LRRC4C: variants seen among roughly 807,000 people sequenced by gnomAD.
The protein encoded by LRRC4C is leucine rich repeat containing 4C.
LRRC4C carries 5 observed loss-of-function variants against 33.6 expected under a neutral mutation model. That is an observed-to-expected ratio of 0.15 (90% confidence interval 0.08 to 0.31). LRRC4C has a LOEUF of 0.31. LRRC4C is among the 10% of genes least tolerant of loss of function. The probability of loss-of-function intolerance (pLI) is 1.00; values close to 1 mark genes in which losing one functional copy is unlikely to be tolerated. For synonymous variants in LRRC4C, 329 were observed against 302.0 expected (o/e 1.09, Z -0.93); for missense variants, 560 against 796.7 (o/e 0.70, Z 3.58).
At chr11:40,756,772 T>C (rs1281115251) in intron 2 of LRRC4C, among the ~76,000 whole-genome samples, 1 of 152,044 alleles carries the variant, frequency 6.6e-6, no homozygotes, top group Non-Finnish European at 1.5e-5. Flanking sequence ...ACCTAGAAAC[T>C]GATTATAAAA....
intron 1 of LRRC4C, among the ~76,000 whole-genome samples, chr11:41,184,045 C>T (rs1945575630): frequency 6.6e-6 from 1 of 152,130 alleles, no homozygotes; most frequent in Admixed American, 6.5e-5. Context: ...ACACCATGTT[C>T]CCAGGCTGCA....
chr11:40,722,777 A>G (rs1189052697), intron 2 of LRRC4C, among the ~76,000 whole-genome samples: 2 of 152,216 alleles, frequency 1.3e-5, no homozygotes, highest in Non-Finnish European at 1.5e-5. Flanking sequence ...CTGAAATGAC[A>G]GACATAGAAT....
At chr11:40,507,363 C>T (rs1249161550) in intron 3 of LRRC4C, among the ~76,000 whole-genome samples, 2 of 151,950 alleles carry the variant, frequency 1.3e-5, no homozygotes, top group South Asian at 2.1e-4. Flanking sequence ...AAATAAAATC[C>T]GAACAGCCCT....
intron 1 of LRRC4C, among the ~76,000 whole-genome samples, chr11:41,135,126 A>T (rs768171912): frequency 6.6e-6 from 1 of 152,156 alleles, no homozygotes; most frequent in Non-Finnish European, 1.5e-5. Flanking sequence ...ACACATGGCC[A>T]TAAGGGTTGT....
intron 2 of LRRC4C, among the ~76,000 whole-genome samples, chr11:40,916,468 G>A (rs1180072835): frequency 3.3e-5 from 5 of 152,032 alleles, no homozygotes; most frequent in African/African-American, 1.2e-4. Context: ...AACACCACAT[G>A]TTCTCACTCG....
chr11:41,264,576 A>G (rs1358361486), intron 1 of LRRC4C, among the ~76,000 whole-genome samples: 1 of 152,158 alleles, frequency 6.6e-6, no homozygotes, highest in Non-Finnish European at 1.5e-5. Flanking sequence ...TTATAGCAGC[A>G]AGAGAATGGA....
At chr11:41,340,849 T>C (rs1341900551) in intron 1 of LRRC4C, among the ~76,000 whole-genome samples, 1 of 152,186 alleles carries the variant, frequency 6.6e-6, no homozygotes, top group Non-Finnish European at 1.5e-5. Flanking sequence ...TAGATAGATT[T>C]GATTCTAAAA....
chr11:40,701,335 A>G (rs775768915), intron 2 of LRRC4C, among the ~76,000 whole-genome samples: 1 of 152,158 alleles, frequency 6.6e-6, no homozygotes, highest in Non-Finnish European at 1.5e-5. Context: ...GAAATGCTCA[A>G]AAGAGATTCA....
chr11:40,202,103 CAGCAAG>C (rs1371548057), intron 5 of LRRC4C, among the ~76,000 whole-genome samples: 1 of 148,244 alleles, frequency 6.7e-6, no homozygotes, highest in African/African-American at 2.5e-5. Context: ...ATATGTATAA[CAGCAAG>C]AGACAATCAG....
At chr11:40,570,689 A>G (rs1957948084) in intron 3 of LRRC4C, among the ~76,000 whole-genome samples, 1 of 151,944 alleles carries the variant, frequency 6.6e-6, no homozygotes, top group Non-Finnish European at 1.5e-5. Flanking sequence ...CTATTTCTCT[A>G]TTTCTCTTCA....
intron 1 of LRRC4C, among the ~76,000 whole-genome samples, chr11:41,070,935 A>T (rs1177404549): frequency 6.6e-6 from 1 of 152,230 alleles, no homozygotes; most frequent in African/African-American, 2.4e-5. Flanking sequence ...TCATTATATT[A>T]TAAAGATACA....
intron 1 of LRRC4C, among the ~76,000 whole-genome samples, chr11:41,017,607 A>G (rs117717590): frequency 6.6e-6 from 1 of 152,110 alleles, no homozygotes; most frequent in Non-Finnish European, 1.5e-5. Context: ...CATGGTTCTT[A>G]CACTCTGTTT....
At chr11:40,386,574 G>A (rs535080601) in intron 3 of LRRC4C, among the ~76,000 whole-genome samples, 6 of 152,130 alleles carry the variant, frequency 3.9e-5, no homozygotes, top group Non-Finnish European at 8.8e-5. Context: ...GGTACTTTAC[G>A]CATTGAAGAG....
At chr11:40,305,779 C>T (rs1200634704) in intron 4 of LRRC4C, among the ~76,000 whole-genome samples, 1 of 152,150 alleles carries the variant, frequency 6.6e-6, no homozygotes, top group African/African-American at 2.4e-5. Context: ...GCCTCAAAGA[C>T]CTCATCAATA....
chr11:41,337,707 A>C (rs2137434016), intron 1 of LRRC4C, among the ~76,000 whole-genome samples: 1 of 152,328 alleles, frequency 6.6e-6, no homozygotes, highest in East Asian at 1.9e-4. Flanking sequence ...TAAACTAAAG[A>C]GCTTCTGCAC....
chr11:40,253,310 A>C (rs1250661467), intron 4 of LRRC4C, among the ~76,000 whole-genome samples: 2 of 152,182 alleles, frequency 1.3e-5, no homozygotes, highest in Non-Finnish European at 2.9e-5. Flanking sequence ...TAAGACTATA[A>C]AACAATGATC....
intron 1 of LRRC4C, among the ~76,000 whole-genome samples, chr11:41,439,933 C>G (rs985520817): frequency 6.6e-6 from 1 of 152,174 alleles, no homozygotes; most frequent in African/African-American, 2.4e-5. Context: ...AAATACTTCT[C>G]TCATTCAGTA....
intron 3 of LRRC4C, among the ~76,000 whole-genome samples, chr11:40,396,199 T>G (rs1206333212): frequency 1.3e-5 from 2 of 152,154 alleles, no homozygotes; most frequent in Non-Finnish European, 2.9e-5. Flanking sequence ...TAGGAGCTGT[T>G]CATCTTACAG....
chr11:40,464,706 A>G (rs1268884852), intron 3 of LRRC4C, among the ~76,000 whole-genome samples: 1 of 152,032 alleles, frequency 6.6e-6, no homozygotes, highest in Non-Finnish European at 1.5e-5. Context: ...AACCAAATCA[A>G]TCAGTCAATC....
Sources: gnomAD v4.1 joint callset for allele counts (sites outside exome capture counted in the v4.1 genomes callset) on GRCh38, gnomAD v4.1.1 for gene constraint, MANE v1.5 for transcripts, NCBI Gene and HGNC (gene_info 2026-07-23, HGNC 2026-07-21) for gene names.